The following TOX2 variants were observed in gnomAD, a reference collection of about 807,000 sequenced individuals.
TOX2 encodes granulosa cell HMG box 1.
TOX2 carries 15 observed loss-of-function variants against 47.4 expected under a neutral mutation model. The ratio of observed to expected loss-of-function variants is 0.32; its 90% confidence interval spans 0.21 to 0.49. The LOEUF is 0.49. Among genes scored for constraint, TOX2 ranks in the 20% least tolerant of loss-of-function variants. The pLI, the probability that TOX2 is intolerant of heterozygous loss-of-function variation, is 0.99. For missense variants in TOX2, 622 were observed against 673.1 expected (o/e 0.92, Z 0.84); for synonymous variants, 290 against 296.6 (o/e 0.98, Z 0.23).
intron 4 of TOX2, among the ~76,000 whole-genome samples, chr20:44,053,158 A>C (rs1025543842): frequency 5.9e-5 from 9 of 152,146 alleles, no homozygotes; most frequent in African/African-American, 2.2e-4. Context: ...ACAGAGACCC[A>C]CTGAGGTCTG....
At chr20:44,061,411 G>A (rs1281247219) in intron 5 of TOX2, among the ~76,000 whole-genome samples, 1 of 151,948 alleles carries the variant, frequency 6.6e-6, no homozygotes, top group South Asian at 2.1e-4. Context: ...ACAAAAAAAC[G>A]AAAACTGCAG....
At chr20:43,941,900 A>G (rs2069408175) in intron 1 of TOX2, among the ~76,000 whole-genome samples, 1 of 152,168 alleles carries the variant, frequency 6.6e-6, no homozygotes, top group Non-Finnish European at 1.5e-5. Context: ...CGTTTTGTGA[A>G]TAAAGACAGC....
intron 1 of TOX2, among the ~76,000 whole-genome samples, chr20:43,935,922 C>T (rs1305112979): frequency 6.1e-5 from 6 of 98,608 alleles, no homozygotes; most frequent in African/African-American, 2.4e-4. Context: ...AGTGAAACTC[C>T]ATCCCAAAAA....
chr20:43,995,120 T>C (rs566316951), intron 2 of TOX2, among the ~76,000 whole-genome samples: 10 of 152,246 alleles, frequency 6.6e-5, no homozygotes, highest in East Asian at 5.8e-4. Flanking sequence ...TAGTTTTTTA[T>C]TTTTTAAGAA....
At chr20:43,938,084 G>A (rs1418095435) in intron 1 of TOX2, among the ~76,000 whole-genome samples, 1 of 152,202 alleles carries the variant, frequency 6.6e-6, no homozygotes, top group Non-Finnish European at 1.5e-5. Flanking sequence ...AGCACCTTCA[G>A]TCTAATGCTT....
At chr20:43,967,647 C>G (rs1390175313) in intron 1 of TOX2, among the ~76,000 whole-genome samples, 3 of 152,166 alleles carry the variant, frequency 2.0e-5, no homozygotes, top group Non-Finnish European at 4.4e-5. Flanking sequence ...TCCCAGCCAT[C>G]CCATCCATAC....
At chr20:43,963,369 A>C (rs1376368742) in intron 1 of TOX2, among the ~76,000 whole-genome samples, 1 of 145,654 alleles carries the variant, frequency 6.9e-6, no homozygotes, top group Non-Finnish European at 1.5e-5. Context: ...CTTGCTTACA[A>C]GGGACATTCC....
chr20:44,000,537 AAGGACAAATAAC>A (rs1214963102), intron 2 of TOX2, among the ~76,000 whole-genome samples: 1 of 152,048 alleles, frequency 6.6e-6, no homozygotes, highest in African/African-American at 2.4e-5. Flanking sequence ...ATCCAAAGGG[AAGGACAAATAAC>A]AGTGGGCTAT....
At chr20:43,993,382 C>T (rs899432753) in intron 2 of TOX2, among the ~76,000 whole-genome samples, 1 of 152,066 alleles carries the variant, frequency 6.6e-6, no homozygotes, top group Admixed American at 6.6e-5. Context: ...AGGATGGTTG[C>T]TCTGCAGATG....
chr20:43,998,077 A>C (rs1480211575), intron 2 of TOX2, among the ~76,000 whole-genome samples: 1 of 152,212 alleles, frequency 6.6e-6, no homozygotes, highest in African/African-American at 2.4e-5. Context: ...GGAAACTTAC[A>C]ATCATGGTAG....
Position 44,051,365 on chromosome 20 carries a change from G to C in TOX2, c.471G>C (p.Leu157=). ...AAYDSGRPGP[L]LGRPAMLASH... ...ATGACTCGGGCCGGCCCGGGCCCCT[G>C]CTGGGTCGCCCGGCAATGCTGGCCA... Residue 157 remains leucine, a synonymous_variant, in exon 4 of 9, where the codon CTG becomes CTC. Coordinates refer to ENST00000341197, the MANE Select transcript of TOX2 (RefSeq NM_001098797.2). 3 of 1,613,932 alleles carry C rather than the reference G, an allele frequency of 1.9e-6. No homozygotes were observed. Among genetic ancestry groups the C allele is most frequent in the Non-Finnish European group, 2.5e-6 (3 of 1,179,918 alleles).
At chr20:44,000,063 G>T (rs1366429399) in intron 2 of TOX2, among the ~76,000 whole-genome samples, 1 of 152,212 alleles carries the variant, frequency 6.6e-6, no homozygotes, top group East Asian at 1.9e-4. Flanking sequence ...GGAGTAGCTG[G>T]AGTGGTATGA....
intron 3 of TOX2, among the ~76,000 whole-genome samples, chr20:44,011,854 G>GC (rs2070782277): frequency 6.6e-6 from 1 of 152,254 alleles, no homozygotes; most frequent in Non-Finnish European, 1.5e-5. Flanking sequence ...GGCCTGTTCA[G>GC]CCTTGCAGGC....
intron 1 of TOX2, among the ~76,000 whole-genome samples, chr20:43,917,032 G>C (rs2069062476): frequency 1.3e-5 from 2 of 152,268 alleles, no homozygotes; most frequent in South Asian, 4.1e-4. Flanking sequence ...CTGGCCCATA[G>C]CTGAGGATGT....
At chr20:43,961,011 G>GA (rs2069749250) in intron 1 of TOX2, among the ~76,000 whole-genome samples, 1 of 152,242 alleles carries the variant, frequency 6.6e-6, no homozygotes, top group Non-Finnish European at 1.5e-5. Context: ...TTCCATCTTT[G>GA]AAGGTGATGG....
intron 1 of TOX2, among the ~76,000 whole-genome samples, chr20:43,972,747 C>G (rs2145474039): frequency 6.6e-6 from 1 of 152,368 alleles, no homozygotes; most frequent in Middle Eastern, 3.4e-3. Flanking sequence ...GGCAGATTTA[C>G]AGGGAAATCT....
At chr20:44,043,159 G>T (rs755214460) in intron 3 of TOX2, among the ~76,000 whole-genome samples, 1 of 152,104 alleles carries the variant, frequency 6.6e-6, no homozygotes, top group Non-Finnish European at 1.5e-5. Flanking sequence ...GGGATGAGGG[G>T]ATGAGGCTGA....
chr20:44,053,291 T>C (rs1392695906), intron 4 of TOX2, among the ~76,000 whole-genome samples: 1 of 152,098 alleles, frequency 6.6e-6, no homozygotes, highest in Non-Finnish European at 1.5e-5. Flanking sequence ...AACAGTCGCT[T>C]TAGCCTCGTG....
At chr20:44,033,730 A>G (rs1301982113) in intron 3 of TOX2, among the ~76,000 whole-genome samples, 1 of 152,188 alleles carries the variant, frequency 6.6e-6, no homozygotes, top group Non-Finnish European at 1.5e-5. Flanking sequence ...GAGCCTCCAA[A>G]GAGAACGAGC....
Sources: gnomAD v4.1 joint callset for allele counts (sites outside exome capture counted in the v4.1 genomes callset) on GRCh38, gnomAD v4.1.1 for gene constraint, MANE v1.5 for transcripts, NCBI Gene and HGNC (gene_info 2026-07-23, HGNC 2026-07-21) for gene names.